AFG1L: variants seen among roughly 807,000 people sequenced by gnomAD.
The protein encoded by AFG1L is AFG1-like ATPase.
Under a neutral mutation model 62.2 loss-of-function variants are expected in AFG1L, and 53 were observed. The ratio of observed to expected loss-of-function variants is 0.85; its 90% CI spans 0.68 to 1.07. The LOEUF is 1.07. AFG1L is among the 50% of genes least tolerant of loss of function. AFG1L has a pLI of 0.00. For synonymous variants in AFG1L, 228 were observed against 210.3 expected (o/e 1.08, Z -0.73); for missense variants, 555 against 590.5 (o/e 0.94, Z 0.62).
chr6:108,373,161 CAGTT>C lies in AFG1L; in HGVS notation c.748+6834_748+6837del, dbSNP rs565232475. Among the ~76,000 whole-genome samples, 756 of 152,118 alleles carry C rather than the reference CAGTT, an allele frequency of 5.0e-3. 3 individuals carry two copies. The highest frequency in any genetic ancestry group is 0.015 in the African/African-American group (615 of 41,502). ...CCTAGGTACTGAGCATAGTATCTAACAGTTAGTTTTTCCACCCTTACCCGCTTCT... is the reference window on the plus strand; with the variant it reads ...CCTAGGTACTGAGCATAGTATCTAACAGTTTTTCCACCCTTACCCGCTTCT... On this transcript the variant is annotated intron_variant, in intron 6 of 12. Coordinates refer to ENST00000368977, the MANE Select transcript of AFG1L (RefSeq NM_145315.5).
chr6:108,443,700 C>T (rs1771638717), intron 7 of AFG1L, among the ~76,000 whole-genome samples: 1 of 151,888 alleles, frequency 6.6e-6, no homozygotes, highest in African/African-American at 2.4e-5. Context: ...CAGGGAGAAA[C>T]CCTGTCTCCA....
chr6:108,427,663 A>C (rs1770883994), intron 7 of AFG1L, among the ~76,000 whole-genome samples: 1 of 151,916 alleles, frequency 6.6e-6, no homozygotes, highest in South Asian at 2.1e-4. Context: ...CTGGGACTAC[A>C]GGTGAACGCC....
At chr6:108,432,903 C>G (rs995306180) in intron 7 of AFG1L, among the ~76,000 whole-genome samples, 1 of 152,204 alleles carries the variant, frequency 6.6e-6, no homozygotes, top group East Asian at 1.9e-4. Flanking sequence ...TACCATCTTC[C>G]CTGCCACTGG....
intron 8 of AFG1L, among the ~76,000 whole-genome samples, chr6:108,462,723 A>C (rs1377515817): frequency 2.0e-5 from 3 of 152,214 alleles, no homozygotes; most frequent in Non-Finnish European, 4.4e-5. Flanking sequence ...ACACATGGAC[A>C]AAATATCCAA....
chr6:108,510,208 A>G lies in AFG1L; in HGVS notation c.1063-4A>G, dbSNP rs1391884952. On this transcript the variant is annotated splice_polypyrimidine_tract_variant and splice_region_variant and intron_variant, in intron 10 of 12. Coordinates refer to ENST00000368977, the MANE Select transcript of AFG1L (RefSeq NM_145315.5). ...AAGTTTTCTTTTATTTCATTTTATC[A>G]TAGCCACTTGGAGCCAGTGACTATT... is the stretch of plus-strand genomic sequence containing the variant. 6.3e-7 allele frequency: 1 copy of G among 1,596,974 alleles called. No homozygotes were observed. Among genetic ancestry groups the G allele is most frequent in the Non-Finnish European group, 8.5e-7 (1 of 1,174,844 alleles).
At chr6:108,420,066 T>C (rs1255404307) in intron 7 of AFG1L, among the ~76,000 whole-genome samples, 1 of 152,168 alleles carries the variant, frequency 6.6e-6, no homozygotes, top group African/African-American at 2.4e-5. Flanking sequence ...TTCAGAGTGC[T>C]AAATAATCAG....
Position 108,472,711 on chromosome 6 carries a change from G to T in AFG1L, c.891-4154G>T, listed in dbSNP as rs999502420. Among the ~76,000 whole-genome samples the T allele has an allele frequency of 3.5e-5, 5 of 143,812 alleles. No homozygotes were observed. The East Asian group carries it at 1.0e-3, about 29-fold the overall frequency. The allele number at this position is 143,812 out of a possible 152,430, so 94.3% of individuals were successfully genotyped here. ...TTTTTTTTTTTTGAGATGGAATCTC[G>T]CTCCGTCGCCCAGGCTGGAGGGCAG... On this transcript the variant is annotated intron_variant, in intron 8 of 12. Transcript: ENST00000368977.
intron 7 of AFG1L, among the ~76,000 whole-genome samples, chr6:108,442,418 C>T (rs537238509): frequency 2.6e-5 from 4 of 152,050 alleles, no homozygotes; most frequent in South Asian, 2.1e-4. Context: ...TTGGGCAATG[C>T]TGTATTTTCC....
At chr6:108,422,331 G>A (rs912923707) in intron 7 of AFG1L, among the ~76,000 whole-genome samples, 16 of 151,666 alleles carry the variant, frequency 1.1e-4, no homozygotes, top group Admixed American at 4.6e-4. Context: ...TTGAGCTCAG[G>A]AGTTTGAGAA....
intron 10 of AFG1L, among the ~76,000 whole-genome samples, chr6:108,495,282 G>A (rs934048159): frequency 1.3e-5 from 2 of 152,170 alleles, no homozygotes; most frequent in African/African-American, 4.8e-5. Flanking sequence ...ACGCATGTTT[G>A]TTTAATGAAC....
intron 10 of AFG1L, among the ~76,000 whole-genome samples, chr6:108,499,861 T>G (rs1389945142): frequency 1.3e-5 from 2 of 152,294 alleles, no homozygotes; most frequent in East Asian, 3.9e-4. Context: ...GTGTATTGTA[T>G]AATGCTGGGA....
chr6:108,365,374 A>G (rs1779712553), intron 5 of AFG1L, among the ~76,000 whole-genome samples: 1 of 152,178 alleles, frequency 6.6e-6, no homozygotes, highest in South Asian at 2.1e-4. Context: ...AATTTTAGAA[A>G]AGATCAATAA....
intron 2 of AFG1L, among the ~76,000 whole-genome samples, chr6:108,330,782 A>G (rs1395227054): frequency 6.6e-6 from 1 of 152,208 alleles, no homozygotes. Context: ...GTGAACTTTA[A>G]ATAACAAATA....
chr6:108,494,951 T>G (rs902129291), intron 10 of AFG1L, among the ~76,000 whole-genome samples: 1 of 151,844 alleles, frequency 6.6e-6, no homozygotes, highest in Non-Finnish European at 1.5e-5. Context: ...TTTTTTGTAT[T>G]TTTAGTAGAG....
rs143478852 is a variant in AFG1L, at chr6:108,336,697, T to C, written c.364-10291T>C. Among the ~76,000 whole-genome samples the C allele has an allele frequency of 4.2e-4, 64 of 152,330 alleles. No homozygotes were observed. The East Asian group carries it at 0.012, about 28-fold the overall frequency. On this transcript the variant is annotated intron_variant, in intron 2 of 12. Transcript: ENST00000368977. ...TTCAAAAGTAAAAGTAATACAGTAG[T>C]CACCTTACCAAATTTTGTTCTGTTT...
chr6:108,405,783 C>T (rs1367361259), intron 7 of AFG1L, among the ~76,000 whole-genome samples: 2 of 152,162 alleles, frequency 1.3e-5, no homozygotes, highest in Non-Finnish European at 2.9e-5. Flanking sequence ...TGATAACCAC[C>T]CATTGTCCCC....
intron 1 of AFG1L, among the ~76,000 whole-genome samples, chr6:108,315,166 A>G (rs1777546000): frequency 6.6e-6 from 1 of 152,176 alleles, no homozygotes; most frequent in Admixed American, 6.5e-5. Context: ...GGTGTGAGCC[A>G]CTGTGCTGGG....
chr6:108,501,613 A>T (rs1012010926), intron 10 of AFG1L, among the ~76,000 whole-genome samples: 1 of 152,148 alleles, frequency 6.6e-6, no homozygotes, highest in Non-Finnish European at 1.5e-5. Context: ...AAGTCCTTAG[A>T]GTCCTCTCTA....
chr6:108,343,886 G>A lies in AFG1L; in HGVS notation c.364-3102G>A, dbSNP rs1778771475. On this transcript the variant is annotated intron_variant, in intron 2 of 12. Transcript: ENST00000368977. ...TTGTCTGGCCTAGACCATGAGTGAG[G>A]TCTAGAAGGCACAAGCTACATTTAG... Among the ~76,000 whole-genome samples the A allele has an allele frequency of 3.3e-5, 5 of 152,144 alleles. No individual in the cohort carries two copies. In the South Asian group the frequency reaches 1.0e-3, roughly 31 times the overall value.
Sources: allele counts gnomAD v4.1 joint callset (sites outside exome capture counted in the v4.1 genomes callset), GRCh38; gene constraint gnomAD v4.1.1; transcripts MANE v1.5; gene names NCBI Gene and HGNC (gene_info 2026-07-23, HGNC 2026-07-21).